The following ZNF236 variants were observed in gnomAD, a reference collection of about 807,000 sequenced individuals.
ZNF236 encodes zinc finger protein 236.
In ZNF236, 50 loss-of-function variants were observed where a neutral mutation model predicts 191.2. That is an observed-to-expected ratio of 0.26 (90% CI 0.21 to 0.33). The LOEUF (loss-of-function observed/expected upper bound fraction) is 0.33, where lower values mean the gene tolerates loss of function less well. ZNF236 is among the 10% of genes least tolerant of loss of function. The pLI, the probability that ZNF236 is intolerant of heterozygous loss-of-function variation, is 1.00. For missense variants in ZNF236, 1,754 were observed against 2,374.5 expected (o/e 0.74, Z 5.43); for synonymous variants, 907 against 928.8 (o/e 0.98, Z 0.43).
At position 76,960,519 on chromosome 18, in the gene ZNF236, C is replaced by T. The variant is rs1338901934; in HGVS notation, c.5243-160C>T. Reference sequence around the variant, plus strand: ...AGGACCTGGCCAGGCTCCCTCTGGTCTCCCTATGGCTCCTCCAGCCCTTTG... The same window carrying T: ...AGGACCTGGCCAGGCTCCCTCTGGTTTCCCTATGGCTCCTCCAGCCCTTTG... On this transcript the variant is annotated intron_variant, in intron 29 of 30. Transcript: ENST00000320610. The surrounding 1 kb of genome is among the most constrained non-coding windows in gnomAD (Gnocchi z 4.4). Among the ~76,000 whole-genome samples the T allele has an allele frequency of 6.6e-6, 1 of 152,172 alleles. No individual in the cohort carries two copies. The highest frequency in any genetic ancestry group is 1.9e-4 in the East Asian group (1 of 5,178).
Position 76,881,637 on chromosome 18 carries a change from T to C in ZNF236, c.1417+125T>C, listed in dbSNP as rs1242911634. On this transcript the variant is annotated intron_variant, in intron 9 of 30. Coordinates refer to ENST00000320610, the MANE Select transcript of ZNF236 (RefSeq NM_001306089.2). ...GTTTGTTGAATGTTTTGTAGCTAGC[T>C]GTAGTTGGTTGGTATTTAAAATTAA... The C allele has an allele frequency of 3.7e-6, 3 of 800,864 alleles. No homozygotes were observed. In the East Asian group the frequency reaches 8.0e-5, roughly 21 times the overall value. The allele number at this position is 800,864 out of a possible 1,614,324, so 49.6% of individuals were successfully genotyped here.
At position 76,968,444 on chromosome 18, in the gene ZNF236, C is replaced by T. The variant is rs1180751651; in HGVS notation, c.*105C>T. 21 of 1,506,796 alleles carry T rather than the reference C, an allele frequency of 1.4e-5. No homozygotes were observed. The highest frequency in any genetic ancestry group is 1.5e-5 in the Non-Finnish European group (17 of 1,142,042). The allele number at this position is 1,506,796 out of a possible 1,614,324, so 93.3% of individuals were successfully genotyped here. A position where few individuals can be genotyped will look rare whatever the true frequency, so the allele number is the denominator to read the frequency against. ...AAAGCTTCAAGTGTTAAAAATGCTA[C>T]AATAGTTTTTTATCTATAAAATTAT... On this transcript the variant is annotated 3_prime_UTR_variant, in exon 31 of 31. Coordinates refer to ENST00000320610, the MANE Select transcript of ZNF236 (RefSeq NM_001306089.2).
chr18:76,825,169 T>G (rs1046188265), intron 1 of ZNF236, among the ~76,000 whole-genome samples: 4 of 152,242 alleles, frequency 2.6e-5, no homozygotes, highest in African/African-American at 9.6e-5. Flanking sequence ...AAGCACTTTT[T>G]GCTAGTCTTG....
At chr18:76,963,593 G>C (rs1036877137) in intron 30 of ZNF236, among the ~76,000 whole-genome samples, 6 of 152,134 alleles carry the variant, frequency 3.9e-5, no homozygotes, top group African/African-American at 1.4e-4. Context: ...TCCATAGAAT[G>C]ATTTAGGGAG....
In ZNF236 at chr18:76,880,004, A is replaced by T; in HGVS notation, c.985-109A>T. ...TAAAATTTATGTTTAGGATACTCTT[A>T]GATTTTAACACCCTTAAGGAGGGTA... On this transcript the variant is annotated intron_variant, in intron 7 of 30. Transcript: ENST00000320610. This position sits in a 1 kb window ranked among gnomAD's most constrained non-coding sequence, Gnocchi z 5.0. 1.0e-6 allele frequency: 1 copy of T among 992,246 alleles called. No individual in the cohort carries two copies. 61.5% of individuals were successfully genotyped at this position (992,246 alleles called of 1,614,324 possible). A position where few individuals can be genotyped will look rare whatever the true frequency, so the allele number is the denominator to read the frequency against.
chr18:76,841,853 C>T (rs574222032), intron 1 of ZNF236, among the ~76,000 whole-genome samples: 2 of 152,182 alleles, frequency 1.3e-5, no homozygotes, highest in Admixed American at 1.3e-4. Flanking sequence ...GCCACCACGC[C>T]AGGCTGATTT....
chr18:76,881,366 C>T lies in ZNF236; in HGVS notation c.1271C>T (p.Pro424Leu). 1 of 1,614,118 alleles carries T rather than the reference C, an allele frequency of 6.2e-7. No homozygotes were observed. Among genetic ancestry groups the T allele is most frequent in the South Asian group, 1.1e-5 (1 of 91,074 alleles). ...NDSCHAKTSAPHAQNPDVSSV... is the reference protein window; with the variant it reads ...NDSCHAKTSALHAQNPDVSSV... Reference sequence around the variant, plus strand: ...TCCTGCCATGCCAAGACCTCTGCACCACACGCTCAAAACCCAGATGTTTCC... The same window carrying T: ...TCCTGCCATGCCAAGACCTCTGCACTACACGCTCAAAACCCAGATGTTTCC... Residue 424 changes from proline to leucine, a missense_variant, in exon 9 of 31, where the codon CCA becomes CTA. Pro to Leu is a moderately conservative substitution (Grantham distance 98). This residue lies in a region of ZNF236 where 126 missense variants were observed against 110.9 expected (regional missense o/e 1.14). Transcript: ENST00000320610.
chr18:76,897,767 A>T (rs1417814207), intron 10 of ZNF236, among the ~76,000 whole-genome samples: 1 of 151,996 alleles, frequency 6.6e-6, no homozygotes, highest in Non-Finnish European at 1.5e-5. Flanking sequence ...AGGAACTGCC[A>T]ATAGGTACTG....
chr18:76,938,909 C>T (rs774862896), intron 26 of ZNF236, among the ~76,000 whole-genome samples: 3 of 152,200 alleles, frequency 2.0e-5, no homozygotes, highest in East Asian at 1.9e-4. Flanking sequence ...CTGAGCTGTG[C>T]GGAGCGCGTG....
At position 76,880,255 on chromosome 18, in the gene ZNF236, A is replaced by C; in HGVS notation, c.1127A>C (p.Gln376Pro). The C allele has an allele frequency of 6.2e-7, 1 of 1,614,092 alleles. No homozygotes were observed. Among genetic ancestry groups the C allele is most frequent in the Non-Finnish European group, 8.5e-7 (1 of 1,179,994 alleles). Residue 376 changes from glutamine (Q) to proline (P), a missense_variant, in exon 8 of 31, where the codon CAG (glutamine) becomes CCG (proline). By Grantham distance (76) the Gln-to-Pro change is moderately conservative. This residue lies in a region of ZNF236 where 336 missense variants were observed against 495.1 expected (regional missense o/e 0.68). Coordinates refer to ENST00000320610, the MANE Select transcript of ZNF236 (RefSeq NM_001306089.2). The surrounding 1 kb of genome is among the most constrained non-coding windows in gnomAD (Gnocchi z 5.0). ...LSEPAPVESG[Q>P]SPQPGQQLSI... ...GAGCCGGCGCCGGTGGAGTCGGGGC[A>C]GTCCCCGCAGCCTGGGCAGCAGCTG...
At chr18:76,824,309 CG>C (rs1568181263) in intron 1 of ZNF236, 2 of 780,944 alleles carry the variant, frequency 2.6e-6, no homozygotes, top group Non-Finnish European at 4.8e-6. Context: ...GTGCACATTA[CG>C]GAAACGTTGG....
At chr18:76,908,908 G>A (rs373905299) in intron 14 of ZNF236, among the ~76,000 whole-genome samples, 1 of 151,758 alleles carries the variant, frequency 6.6e-6, no homozygotes, top group African/African-American at 2.4e-5. Context: ...TTTGATATAG[G>A]TGCTACCAAT....
chr18:76,938,673 T>G (rs1180235749), intron 26 of ZNF236, among the ~76,000 whole-genome samples: 1 of 152,064 alleles, frequency 6.6e-6, no homozygotes, highest in East Asian at 1.9e-4. Flanking sequence ...TGCCTAGAGC[T>G]CCTCACCGAG....
intron 1 of ZNF236, among the ~76,000 whole-genome samples, chr18:76,833,126 T>G (rs1269606743): frequency 6.6e-6 from 1 of 152,218 alleles, no homozygotes; most frequent in South Asian, 2.1e-4. Flanking sequence ...TTTGGAATTT[T>G]CTCTGTAATC....
chr18:76,927,798 T>C lies in ZNF236; in HGVS notation c.4415-129T>C, dbSNP rs1967745146. On this transcript the variant is annotated intron_variant, in intron 24 of 30. Coordinates refer to ENST00000320610, the MANE Select transcript of ZNF236 (RefSeq NM_001306089.2). The surrounding 1 kb of genome is among the most constrained non-coding windows in gnomAD (Gnocchi z 5.4). ...AGACGAAGGAATTAGAGATGACTGA[T>C]GCTTTGTTTTAAATCTTTGTCTTAT... 1.2e-6 allele frequency: 1 copy of C among 856,172 alleles called. No individual in the cohort carries two copies. Among genetic ancestry groups the C allele is most frequent in the East Asian group, 2.8e-5 (1 of 35,622 alleles). 53.0% of individuals were successfully genotyped at this position (856,172 alleles called of 1,614,324 possible).
intron 1 of ZNF236, among the ~76,000 whole-genome samples, chr18:76,827,631 G>C (rs549388860): frequency 9.5e-4 from 144 of 152,316 alleles, no homozygotes; most frequent in African/African-American, 3.4e-3. Flanking sequence ...TGAAGTCTAG[G>C]CTTCCTGGAG....
intron 28 of ZNF236, among the ~76,000 whole-genome samples, chr18:76,958,145 G>A (rs992627343): frequency 5.4e-4 from 83 of 152,294 alleles, no homozygotes; most frequent in Non-Finnish European, 5.9e-4. Flanking sequence ...CTCACTTGTC[G>A]CTTGTAGCAG....
intron 26 of ZNF236, among the ~76,000 whole-genome samples, chr18:76,939,676 C>T (rs1040138923): frequency 4.5e-4 from 68 of 152,238 alleles, no homozygotes; most frequent in African/African-American, 1.0e-3. Context: ...TAAATGATGA[C>T]GGCTGTAAAT....
intron 3 of ZNF236, among the ~76,000 whole-genome samples, chr18:76,857,210 TCCCAGGA>T (rs1976066568): frequency 6.6e-6 from 1 of 152,156 alleles, no homozygotes; most frequent in Non-Finnish European, 1.5e-5. Context: ...GCTCCTTCTC[TCCCAGGA>T]CCCAGCGCCT....
Sources: allele counts gnomAD v4.1 joint callset (sites outside exome capture counted in the v4.1 genomes callset), GRCh38; gene constraint gnomAD v4.1.1; regional missense constraint gnomAD v4.1.1; non-coding constraint Gnocchi (gnomAD v3.1); transcripts MANE v1.5; gene names NCBI Gene and HGNC (gene_info 2026-07-23, HGNC 2026-07-21).